MAP2: variants seen among roughly 807,000 people sequenced by gnomAD.
The protein encoded by MAP2 is microtubule associated protein 2.
Under a neutral mutation model 137.6 loss-of-function variants are expected in MAP2, and 14 were observed. The ratio of observed to expected loss-of-function variants is 0.10; its 90% CI spans 0.07 to 0.16. The LOEUF (loss-of-function observed/expected upper bound fraction) is 0.16, where lower values mean the gene tolerates loss of function less well. Ranked by LOEUF, MAP2 falls within the 10% of genes least tolerant of loss-of-function variation. The pLI, the probability that MAP2 is intolerant of heterozygous loss-of-function variation, is 1.00. For missense variants in MAP2, 2,088 were observed against 2,191.5 expected (o/e 0.95, Z 0.94); for synonymous variants, 786 against 782.3 (o/e 1.00, Z -0.08).
intron 1 of MAP2, among the ~76,000 whole-genome samples, chr2:209,479,669 T>C (rs967591648): frequency 2.6e-5 from 4 of 152,122 alleles, no homozygotes; most frequent in Non-Finnish European, 5.9e-5. Flanking sequence ...TTAAATGCAG[T>C]GTACCTGACC....
chr2:209,640,961 G>C (rs1270949456), intron 4 of MAP2, among the ~76,000 whole-genome samples: 1 of 144,424 alleles, frequency 6.9e-6, no homozygotes, highest in African/African-American at 2.6e-5. Context: ...TTTAATTCTA[G>C]CATCTTCTTC....
intron 2 of MAP2, among the ~76,000 whole-genome samples, chr2:209,549,422 A>G (rs1017947783): frequency 7.2e-5 from 11 of 152,190 alleles, no homozygotes; most frequent in African/African-American, 2.7e-4. Flanking sequence ...TACTCCCTCC[A>G]TTAATCAATT....
chr2:209,434,885 T>TTA (rs60440231), intron 1 of MAP2, among the ~76,000 whole-genome samples: 22,946 of 74,482 alleles, frequency 0.31, 4,197 homozygotes, highest in African/African-American at 0.56. Context: ...TATATATATG[T>TTA]TATATATATG....
chr2:209,685,524 G>T (rs1052354094), intron 7 of MAP2, among the ~76,000 whole-genome samples: 1 of 152,026 alleles, frequency 6.6e-6, no homozygotes, highest in African/African-American at 2.4e-5. Flanking sequence ...TGGACTTTAG[G>T]CTGATAGGTC....
At chr2:209,705,219 G>A (rs2063043066) in intron 11 of MAP2, among the ~76,000 whole-genome samples, 3 of 152,158 alleles carry the variant, frequency 2.0e-5, no homozygotes, top group African/African-American at 7.2e-5. Flanking sequence ...TATTATGCAT[G>A]CAGTGAGCTA....
Position 209,631,005 on chromosome 2 carries a change from CAAAAAAAAAAAAAA to C in MAP2, c.-30+5893_-30+5906del, listed in dbSNP as rs776266690. On this transcript the variant is annotated intron_variant, in intron 4 of 15. Transcript: ENST00000682079. ...TTTCAAGATTGAAGGGAGCTACAAG[CAAAAAAAAAAAAAA>C]AAAAAAAAAAAAAAAAGAGAGAGAG... Among the ~76,000 whole-genome samples the C allele has an allele frequency of 2.6e-4, 11 of 42,140 alleles. No individual in the cohort carries two copies. The East Asian group carries it at 3.2e-3, about 12-fold the overall frequency. The allele number at this position is 42,140 out of a possible 152,430, so 27.6% of individuals were successfully genotyped here.
At chr2:209,530,346 G>A (rs1394361579) in intron 2 of MAP2, among the ~76,000 whole-genome samples, 1 of 152,108 alleles carries the variant, frequency 6.6e-6, no homozygotes, top group African/African-American at 2.4e-5. Flanking sequence ...AAATAAACAT[G>A]TGCCCAACTA....
At chr2:209,512,699 T>G (rs1193522912) in intron 2 of MAP2, among the ~76,000 whole-genome samples, 1 of 151,740 alleles carries the variant, frequency 6.6e-6, no homozygotes, top group East Asian at 1.9e-4. Flanking sequence ...TGGAATGGAG[T>G]GGTACAATCA....
At chr2:209,611,482 T>C (rs1212073628) in intron 3 of MAP2, among the ~76,000 whole-genome samples, 1 of 151,784 alleles carries the variant, frequency 6.6e-6, no homozygotes, top group Non-Finnish European at 1.5e-5. Context: ...ATATATATAA[T>C]ATAATTTACA....
intron 1 of MAP2, among the ~76,000 whole-genome samples, chr2:209,471,548 C>G (rs1158376019): frequency 2.0e-5 from 3 of 152,014 alleles, no homozygotes; most frequent in Non-Finnish European, 2.9e-5. Context: ...GTAAAGAAAG[C>G]TATTATTTCA....
At chr2:209,644,670 C>CAGAAAAAAAAAAAAAAAAAAAAAAAA in intron 4 of MAP2, among the ~76,000 whole-genome samples, 1 of 68,584 alleles carries the variant, frequency 1.5e-5, no homozygotes, top group Non-Finnish European at 3.5e-5. Flanking sequence ...GACCCTGTCT[C>CAGAAAAAAAAAAAAAAAAAAAAAAAA]AAAAAAAAAA....
intron 1 of MAP2, among the ~76,000 whole-genome samples, chr2:209,497,983 A>G (rs953808498): frequency 1.3e-5 from 2 of 152,162 alleles, no homozygotes; most frequent in African/African-American, 4.8e-5. Context: ...TGCTTTCCCA[A>G]TGGTTCCCCA....
chr2:209,465,462 C>T (rs1008252619), intron 1 of MAP2, among the ~76,000 whole-genome samples: 7 of 152,024 alleles, frequency 4.6e-5, no homozygotes, highest in Non-Finnish European at 1.0e-4. Flanking sequence ...GGAGGACACA[C>T]AAAATATGGT....
chr2:209,623,237 C>T (rs964277787), intron 3 of MAP2, among the ~76,000 whole-genome samples: 1 of 152,088 alleles, frequency 6.6e-6, no homozygotes, highest in African/African-American at 2.4e-5. Flanking sequence ...CCATATACAA[C>T]GTGGAAGTGC....
chr2:209,532,993 TTTC>T (rs1305648870), intron 2 of MAP2, among the ~76,000 whole-genome samples: 2 of 152,108 alleles, frequency 1.3e-5, no homozygotes, highest in Non-Finnish European at 2.9e-5. Context: ...CCTTTTCTTT[TTTC>T]TTCAAGTGGT....
chr2:209,704,557 A>T, intron 11 of MAP2: 1 of 1,612,768 alleles, frequency 6.2e-7, no homozygotes, highest in Non-Finnish European at 8.5e-7. Context: ...CTGACAGTTT[A>T]TTAATACAGC....
chr2:209,556,246 G>A (rs1304066324), intron 2 of MAP2, among the ~76,000 whole-genome samples: 2 of 151,824 alleles, frequency 1.3e-5, no homozygotes, highest in South Asian at 2.1e-4. Flanking sequence ...GTCTTGCCAC[G>A]TTGTCCAAGC....
At chr2:209,637,512 G>GGATGA (rs2093665065) in intron 4 of MAP2, among the ~76,000 whole-genome samples, 1 of 151,724 alleles carries the variant, frequency 6.6e-6, no homozygotes, top group African/African-American at 2.4e-5. Flanking sequence ...AGATAAGATA[G>GGATGA]GATGAGATGA....
chr2:209,665,870 C>T (rs2046089005), intron 5 of MAP2, among the ~76,000 whole-genome samples: 1 of 152,044 alleles, frequency 6.6e-6, no homozygotes, highest in African/African-American at 2.4e-5. Context: ...TTTCCTTTGA[C>T]ATATTTGAAT....
Sources: allele counts gnomAD v4.1 joint callset (sites outside exome capture counted in the v4.1 genomes callset), GRCh38; gene constraint gnomAD v4.1.1; transcripts MANE v1.5; gene names NCBI Gene and HGNC (gene_info 2026-07-23, HGNC 2026-07-21).